The following BUD23 variants were observed in gnomAD, a reference collection of about 807,000 sequenced individuals.
BUD23 encodes 18S rRNA (guanine-N(7))-methyltransferase.
Under a neutral mutation model 47.0 loss-of-function variants are expected in BUD23, and 34 were observed. The ratio of observed to expected loss-of-function variants is 0.72; its 90% CI spans 0.55 to 0.96. The LOEUF is 0.96. BUD23 is among the 40% of genes least tolerant of loss of function. The pLI is 0.00. For synonymous variants in BUD23, 124 were observed against 132.0 expected (o/e 0.94, Z 0.41); for missense variants, 343 against 361.2 (o/e 0.95, Z 0.41).
intron 1 of BUD23, 33 bp from the exon 2 acceptor site, chr7:73,683,734 A>G (rs782511176): frequency 1.0e-4 from 167 of 1,614,018 alleles, no homozygotes; most frequent in Non-Finnish European, 1.3e-4. Context: ...CGTCTGAATT[A>G]TTCCTCTACA....
intron 5 of BUD23, among the ~76,000 whole-genome samples, 165 bp from the exon 6 acceptor site, chr7:73,690,751 C>T (rs1475962049): frequency 6.6e-6 from 1 of 152,102 alleles, no homozygotes; most frequent in Admixed American, 6.5e-5. Context: ...GATTACAGGG[C>T]GTTGAACCAC....
At position 73,686,704 on chromosome 7, in the gene BUD23, A is replaced by G. The variant is rs782513268; in HGVS notation, c.155A>G (p.Asn52Ser). The part of the protein sequence containing the change: ...RALELLYLPE[N>S]KPCYLLDIGC... ...TTGGAGCTTCTTTATCTGCCAGAGAATAAGCCCTGTTACCTGCTGGATATT... is the reference window on the plus strand; with the variant it reads ...TTGGAGCTTCTTTATCTGCCAGAGAGTAAGCCCTGTTACCTGCTGGATATT... Residue 52 changes from asparagine (N) to serine (S), a missense_variant, in exon 3 of 12, where the codon AAT becomes AGT. Coordinates refer to ENST00000265758, the MANE Select transcript of BUD23 (RefSeq NM_017528.5). 21 of 1,614,192 alleles carry G rather than the reference A, an allele frequency of 1.3e-5. No individual in the cohort carries two copies. The South Asian group carries it at 2.0e-4, about 15-fold the overall frequency.
chr7:73,684,438 C>G (rs1261586436), intron 2 of BUD23, among the ~76,000 whole-genome samples: 1 of 151,760 alleles, frequency 6.6e-6, no homozygotes. Context: ...TAGTTGGGAC[C>G]ACAGGCGCGC....
At chr7:73,696,354 A>T (rs1300643033) in intron 10 of BUD23, 1 of 151,984 alleles carries the variant, frequency 6.6e-6, no homozygotes, top group Non-Finnish European at 1.5e-5. Flanking sequence ...GAGCACTCCC[A>T]TCTCCTCCCT....
At chr7:73,683,847 A>G in intron 2 of BUD23, 43 bp downstream of exon 2, 1 of 1,614,104 alleles carries the variant, frequency 6.2e-7, no homozygotes, top group Non-Finnish European at 8.5e-7. Flanking sequence ...GGGGTCGGGA[A>G]GCGGCAAGTT....
intron 2 of BUD23, chr7:73,684,116 C>T (rs782616186): frequency 4.0e-6 from 3 of 752,964 alleles, no homozygotes; most frequent in East Asian, 3.1e-5. Flanking sequence ...GGGGTCAGTC[C>T]TGGTGGGGGG....
intron 2 of BUD23, chr7:73,684,112 A>G (rs933390568): frequency 1.3e-6 from 1 of 790,134 alleles, no homozygotes. Context: ...GCGAGGGGTC[A>G]GTCCTGGTGG....
chr7:73,693,590 C>T (rs1584225774), intron 8 of BUD23, 34 bp from the exon 9 acceptor site: 1 of 1,614,036 alleles, frequency 6.2e-7, no homozygotes, highest in Non-Finnish European at 8.5e-7. Context: ...GGGCTTTCTC[C>T]ACCCAACCCT....
Position 73,697,835 on chromosome 7 carries a change from A to G in BUD23, c.795A>G (p.Glu265=). 1 of 1,614,002 alleles carries G rather than the reference A, an allele frequency of 6.2e-7. No homozygotes were observed. Among genetic ancestry groups the G allele is most frequent in the Non-Finnish European group, 8.5e-7 (1 of 1,179,982 alleles). Residue 265 remains glutamate (E), a synonymous_variant, in exon 12 of 12, where the codon GAA becomes GAG. Coordinates refer to ENST00000265758, the MANE Select transcript of BUD23 (RefSeq NM_017528.5). ...GTCCTATTCCTTTTCTGCACAGGGA[A>G]GTCAGACCTGACACCCAGTACACCG... ...KKERHRRQGR[E]VRPDTQYTGR... is the part of the protein sequence containing the mutation.
intron 5 of BUD23, among the ~76,000 whole-genome samples, chr7:73,687,464 G>A (rs1798020894): frequency 6.6e-6 from 1 of 152,110 alleles, no homozygotes; most frequent in Non-Finnish European, 1.5e-5. Context: ...TTTAGTGGAG[G>A]TGAGGTTTCA....
chr7:73,692,842 T>C, intron 7 of BUD23, 196 bp downstream of exon 7: 1 of 573,812 alleles, frequency 1.7e-6, no homozygotes, highest in Admixed American at 3.2e-5. Context: ...GTGGGATGCC[T>C]TCTCTTGGCA....
At chr7:73,692,401 T>C (rs1444722951) in intron 6 of BUD23, among the ~76,000 whole-genome samples, 195 bp from the exon 7 acceptor site, 1 of 152,238 alleles carries the variant, frequency 6.6e-6, no homozygotes, top group Non-Finnish European at 1.5e-5. Flanking sequence ...TACTGTGAAT[T>C]AGTTGCCTCC....
chr7:73,690,006 G>A (rs527765191), intron 5 of BUD23, among the ~76,000 whole-genome samples: 2 of 152,014 alleles, frequency 1.3e-5, no homozygotes, highest in Admixed American at 6.6e-5. Context: ...GACTGGTTGA[G>A]GTTTTATTTA....
At chr7:73,687,875 T>C (rs1224226179) in intron 5 of BUD23, among the ~76,000 whole-genome samples, 1 of 151,766 alleles carries the variant, frequency 6.6e-6, no homozygotes, top group African/African-American at 2.4e-5. Context: ...ACCCAGCCTC[T>C]ACTAAAAAGC....
chr7:73,693,225 A>G (rs1798259432), intron 7 of BUD23, 104 bp from the exon 8 acceptor site: 1 of 1,079,676 alleles, frequency 9.3e-7, no homozygotes, highest in Non-Finnish European at 1.4e-6. Context: ...TCTCCCAGGC[A>G]GGATTTGTCC....
At chr7:73,694,461 T>G (rs1798317754) in intron 10 of BUD23, 1 of 165,444 alleles carries the variant, frequency 6.0e-6, no homozygotes, top group Non-Finnish European at 1.3e-5. Flanking sequence ...CAATTTCTCC[T>G]TTTCTAGAAA....
Position 73,693,607 on chromosome 7 carries a change from G to C in BUD23, c.597-17G>C. On this transcript the variant is annotated splice_polypyrimidine_tract_variant and intron_variant, in intron 8 of 11. Coordinates refer to ENST00000265758, the MANE Select transcript of BUD23 (RefSeq NM_017528.5). The stretch of plus-strand genomic sequence containing the variant: ...GCTTTCTCCACCCAACCCTCACTTT[G>C]CACTTTCTCCTTTCAGATTCTACCT... 1 of 1,614,218 alleles carries C rather than the reference G, an allele frequency of 6.2e-7. No individual in the cohort carries two copies. Among genetic ancestry groups the C allele is most frequent in the Non-Finnish European group, 8.5e-7 (1 of 1,180,018 alleles).
chr7:73,694,663 T>C (rs1218950759), intron 10 of BUD23: 3 of 152,524 alleles, frequency 2.0e-5, no homozygotes, highest in African/African-American at 7.2e-5. Context: ...ATCTGGTCAC[T>C]TGTGACTTTT....
At chr7:73,688,485 T>G (rs1482587593) in intron 5 of BUD23, among the ~76,000 whole-genome samples, 1 of 152,214 alleles carries the variant, frequency 6.6e-6, no homozygotes, top group Non-Finnish European at 1.5e-5. Flanking sequence ...GCGGCCATTT[T>G]ATGGGCCCCA....
Sources: allele counts gnomAD v4.1 joint callset (sites outside exome capture counted in the v4.1 genomes callset), GRCh38; gene constraint gnomAD v4.1.1; transcripts MANE v1.5; gene names NCBI Gene and HGNC (gene_info 2026-07-23, HGNC 2026-07-21).